HS3ST3A1: variants seen among roughly 807,000 people sequenced by gnomAD.
The protein encoded by HS3ST3A1 is heparan sulfate-glucosamine 3-sulfotransferase 3A1.
In HS3ST3A1, 19 loss-of-function variants were observed where a neutral mutation model predicts 25.7. The ratio of observed to expected loss-of-function variants is 0.74; its 90% CI spans 0.52 to 1.08. The LOEUF (loss-of-function observed/expected upper bound fraction) is 1.08. Among genes scored for constraint, HS3ST3A1 ranks in the 50% least tolerant of loss-of-function variants. The pLI is 0.00. For synonymous variants in HS3ST3A1, 226 were observed against 278.6 expected (o/e 0.81, Z 1.88); for missense variants, 459 against 594.3 (o/e 0.77, Z 2.37).
At chr17:13,561,730 G>A (rs1044419673) in intron 1 of HS3ST3A1, among the ~76,000 whole-genome samples, 2 of 152,094 alleles carry the variant, frequency 1.3e-5, no homozygotes, top group Non-Finnish European at 2.9e-5. Context: ...CAATGTGTCA[G>A]ACCTCCCACC....
chr17:13,512,017 T>A (rs1331053749), intron 1 of HS3ST3A1, among the ~76,000 whole-genome samples: 3 of 152,176 alleles, frequency 2.0e-5, no homozygotes, highest in African/African-American at 7.2e-5. Context: ...ATCCTTTAGA[T>A]CAGAGGTCAT....
chr17:13,497,691 G>T (rs1905329168), intron 1 of HS3ST3A1, among the ~76,000 whole-genome samples: 1 of 152,196 alleles, frequency 6.6e-6, no homozygotes, highest in Non-Finnish European at 1.5e-5. Context: ...AAATCTATTT[G>T]TTCTTCCAAC....
intron 1 of HS3ST3A1, among the ~76,000 whole-genome samples, chr17:13,543,871 T>G (rs1907007672): frequency 6.6e-6 from 1 of 152,202 alleles, no homozygotes; most frequent in South Asian, 2.1e-4. Context: ...CAGGACTCTA[T>G]GATGACTTTT....
At chr17:13,554,970 G>A (rs1598425067) in intron 1 of HS3ST3A1, among the ~76,000 whole-genome samples, 2 of 151,982 alleles carry the variant, frequency 1.3e-5, no homozygotes, top group South Asian at 4.1e-4. Flanking sequence ...AGCCCCCTGA[G>A]AATAATGTCA....
intron 1 of HS3ST3A1, among the ~76,000 whole-genome samples, chr17:13,555,154 C>T (rs12942815): frequency 0.063 from 9,612 of 152,222 alleles, 395 homozygotes; most frequent in Non-Finnish European, 0.087. Flanking sequence ...TTATGGCTTC[C>T]TGAGCACAGA....
At chr17:13,545,788 C>T (rs1225315294) in intron 1 of HS3ST3A1, among the ~76,000 whole-genome samples, 1 of 152,004 alleles carries the variant, frequency 6.6e-6, no homozygotes, top group African/African-American at 2.4e-5. Context: ...ACCAGCCTAG[C>T]TAACATGGTG....
At chr17:13,537,289 A>C (rs2142339465) in intron 1 of HS3ST3A1, among the ~76,000 whole-genome samples, 1 of 152,342 alleles carries the variant, frequency 6.6e-6, no homozygotes, top group South Asian at 2.1e-4. Context: ...CTCCAGCTGC[A>C]TCGTGTGGCA....
intron 1 of HS3ST3A1, among the ~76,000 whole-genome samples, chr17:13,533,348 C>T (rs113899890): frequency 5.9e-5 from 9 of 151,940 alleles, no homozygotes; most frequent in Admixed American, 2.0e-4. Flanking sequence ...CTCACTTTAT[C>T]CTCACAGCAA....
intron 1 of HS3ST3A1, among the ~76,000 whole-genome samples, chr17:13,521,373 T>G (rs1906233204): frequency 6.6e-6 from 1 of 152,168 alleles, no homozygotes; most frequent in Admixed American, 6.5e-5. Context: ...AAACTGCTGT[T>G]TCAGCAGTTT....
intron 1 of HS3ST3A1, among the ~76,000 whole-genome samples, chr17:13,571,247 C>G (rs1354849836): frequency 1.3e-5 from 2 of 152,160 alleles, no homozygotes; most frequent in African/African-American, 4.8e-5. Context: ...ATAAAAATCC[C>G]CCGAAATACT....
In HS3ST3A1 at chr17:13,522,311, G is replaced by A. The variant is rs1906274123; in HGVS notation, c.600-25493C>T. Among the ~76,000 whole-genome samples the A allele has an allele frequency of 2.6e-5, 4 of 151,366 alleles. No individual in the cohort carries two copies. The South Asian group carries it at 8.4e-4, about 32-fold the overall frequency. ...TTATTTATCTGTGCTATTACTAAGA[G>A]ATGGGTTATAGTCTCCCACTTAGAA... On this transcript the variant is annotated intron_variant, in intron 1 of 1. Transcript: ENST00000284110.
intron 1 of HS3ST3A1, among the ~76,000 whole-genome samples, chr17:13,593,837 A>G (rs1022418685): frequency 5.3e-5 from 8 of 152,338 alleles, no homozygotes; most frequent in African/African-American, 1.7e-4. Flanking sequence ...GATCAAAACC[A>G]AGAAACTGAC....
chr17:13,510,765 C>T (rs369342505), intron 1 of HS3ST3A1, among the ~76,000 whole-genome samples: 106 of 151,428 alleles, frequency 7.0e-4, no homozygotes, highest in African/African-American at 2.5e-3. Context: ...AGTGCAGTGG[C>T]GAGATCTTGG....
At chr17:13,587,844 T>C (rs1383229979) in intron 1 of HS3ST3A1, among the ~76,000 whole-genome samples, 1 of 152,154 alleles carries the variant, frequency 6.6e-6, no homozygotes, top group African/African-American at 2.4e-5. Flanking sequence ...CCAAACAACT[T>C]TGTGCATTTC....
intron 1 of HS3ST3A1, among the ~76,000 whole-genome samples, chr17:13,528,220 C>A (rs1906498797): frequency 6.6e-6 from 1 of 152,188 alleles, no homozygotes; most frequent in Non-Finnish European, 1.5e-5. Flanking sequence ...CTACCTCTAA[C>A]CTTCTGGACA....
At chr17:13,588,562 C>T (rs536327328) in intron 1 of HS3ST3A1, among the ~76,000 whole-genome samples, 2 of 152,176 alleles carry the variant, frequency 1.3e-5, no homozygotes, top group South Asian at 4.1e-4. Flanking sequence ...TACACCCAAT[C>T]CTTTCAGCGC....
At chr17:13,507,987 G>T (rs1905738642) in intron 1 of HS3ST3A1, among the ~76,000 whole-genome samples, 1 of 152,160 alleles carries the variant, frequency 6.6e-6, no homozygotes, top group African/African-American at 2.4e-5. Context: ...GACTTATAAG[G>T]ATGGAAAGAA....
intron 1 of HS3ST3A1, among the ~76,000 whole-genome samples, chr17:13,509,862 T>C (rs1195520157): frequency 6.6e-6 from 1 of 152,214 alleles, no homozygotes; most frequent in Non-Finnish European, 1.5e-5. Context: ...AGATTCTGAG[T>C]CTTCTGATGC....
chr17:13,496,402 T>G lies in HS3ST3A1; in HGVS notation c.1016A>C (p.Lys339Thr). The part of the protein sequence containing the change: ...FLGLKRIITD[K>T]HFYFNKTKGF... ...CTTGGTCTTGTTGAAGTAGAAGTGC[T>G]TGTCCGTGATGATCCTCTTGAGGCC... The change falls in exon 2 of 2, where the codon AAG (lysine) becomes ACG (threonine). Residue 339 changes from lysine to threonine, a missense_variant. This residue lies in a region of HS3ST3A1 where 67 missense variants were observed against 231.4 expected (regional missense o/e 0.29). Transcript: ENST00000284110. The G allele has an allele frequency of 7.3e-7, 1 of 1,371,052 alleles. No homozygotes were observed. The highest frequency in any genetic ancestry group is 1.0e-6 in the Non-Finnish European group (1 of 989,582). 84.9% of individuals were successfully genotyped at this position (1,371,052 alleles called of 1,614,324 possible).
Sources: gnomAD v4.1 joint callset for allele counts (sites outside exome capture counted in the v4.1 genomes callset) on GRCh38, gnomAD v4.1.1 for gene constraint, gnomAD v4.1.1 regional missense constraint, MANE v1.5 for transcripts, NCBI Gene and HGNC (gene_info 2026-07-23, HGNC 2026-07-21) for gene names.